The following REDIC1 variants were observed in gnomAD, a reference collection of about 807,000 sequenced individuals.
REDIC1 encodes the protein HEI10 Interacting Protein 1.
At chr12:39,702,946 A>G in the REDIC1 span, among the ~76,000 whole-genome samples, 1 of 152,190 alleles carries the variant, frequency 6.6e-6, no homozygotes, top group Non-Finnish European at 1.5e-5. Flanking sequence ...AAATAATAAG[A>G]GCTATCTATG....
the REDIC1 span, among the ~76,000 whole-genome samples, chr12:39,742,083 A>G: frequency 6.6e-6 from 1 of 152,174 alleles, no homozygotes; most frequent in Non-Finnish European, 1.5e-5. Flanking sequence ...AGGCATGTCC[A>G]ACATCCCTTA....
the REDIC1 span, among the ~76,000 whole-genome samples, chr12:39,742,516 G>A: frequency 6.6e-6 from 1 of 152,004 alleles, no homozygotes; most frequent in Non-Finnish European, 1.5e-5. Flanking sequence ...TCTTGACCAG[G>A]TGTCAAGGTG....
At chr12:39,653,492 GTCTTCT>G in the REDIC1 span, among the ~76,000 whole-genome samples, 2,115 of 54,418 alleles carry the variant, frequency 0.039, 226 homozygotes, top group African/African-American at 0.08. Context: ...CAATCTGGAT[GTCTTCT>G]TCTTCTTCTT....
the REDIC1 span, chr12:39,864,838 A>G: frequency 1.2e-6 from 2 of 1,613,952 alleles, no homozygotes; most frequent in Non-Finnish European, 1.7e-6. Flanking sequence ...ACTTGGGCTG[A>G]TAGCACAAAT....
the REDIC1 span, among the ~76,000 whole-genome samples, chr12:39,797,762 A>G: frequency 1.3e-5 from 2 of 152,086 alleles, no homozygotes; most frequent in South Asian, 2.1e-4. Context: ...ACACACACAC[A>G]CACACACACA....
chr12:39,635,051 A>G, the REDIC1 span, among the ~76,000 whole-genome samples: 7 of 152,242 alleles, frequency 4.6e-5, no homozygotes, highest in Non-Finnish European at 8.8e-5. Flanking sequence ...AATGCTTATC[A>G]TTACTGGTCA....
chr12:39,716,849 C>G, the REDIC1 span: 1 of 1,547,256 alleles, frequency 6.5e-7, no homozygotes, highest in Admixed American at 1.9e-5. Flanking sequence ...GTAAGTGATG[C>G]TTGTTTCACT....
chr12:39,675,472 T>G, the REDIC1 span, among the ~76,000 whole-genome samples: 1 of 152,316 alleles, frequency 6.6e-6, no homozygotes. Context: ...GGTGCTCTCT[T>G]GAAAGTGCCA....
the REDIC1 span, among the ~76,000 whole-genome samples, chr12:39,780,139 T>C: frequency 6.6e-6 from 1 of 152,266 alleles, no homozygotes. Flanking sequence ...ACCATTCGTA[T>C]ATATTACTTC....
the REDIC1 span, among the ~76,000 whole-genome samples, chr12:39,718,468 G>A: frequency 1.1e-4 from 16 of 152,212 alleles, no homozygotes; most frequent in African/African-American, 3.9e-4. Flanking sequence ...TTGTTTTCCA[G>A]GCTTTCTTAT....
At chr12:39,839,757 G>A in the REDIC1 span, among the ~76,000 whole-genome samples, 1 of 151,880 alleles carries the variant, frequency 6.6e-6, no homozygotes, top group Non-Finnish European at 1.5e-5. Flanking sequence ...CCAATACACT[G>A]AGCCCCCATG....
the REDIC1 span, among the ~76,000 whole-genome samples, chr12:39,901,588 A>G: frequency 5.6e-5 from 7 of 125,092 alleles, no homozygotes; most frequent in South Asian, 3.1e-4. Context: ...AACACATGAA[A>G]AAATGCTCAT....
At chr12:39,838,021 G>A in the REDIC1 span, among the ~76,000 whole-genome samples, 4 of 151,096 alleles carry the variant, frequency 2.6e-5, no homozygotes, top group African/African-American at 9.7e-5. Context: ...AAATCATGCT[G>A]CTATAAAGAC....
the REDIC1 span, among the ~76,000 whole-genome samples, chr12:39,795,208 G>C: frequency 0.98 from 147,686 of 151,220 alleles, 72,117 homozygotes; most frequent in East Asian, 1. Context: ...CTCTCTCTCT[G>C]TGTGTGTCAC....
the REDIC1 span, among the ~76,000 whole-genome samples, chr12:39,876,613 T>C: frequency 2.6e-5 from 4 of 152,282 alleles, no homozygotes; most frequent in Non-Finnish European, 5.9e-5. Flanking sequence ...AAGATAATTA[T>C]ATGAAAACCT....
the REDIC1 span, among the ~76,000 whole-genome samples, chr12:39,738,730 T>G: frequency 1.3e-5 from 2 of 152,206 alleles, no homozygotes; most frequent in East Asian, 3.8e-4. Flanking sequence ...TCATTTTAGA[T>G]GAGATCAGAT....
At chr12:39,654,602 C>A in the REDIC1 span, among the ~76,000 whole-genome samples, 10 of 150,552 alleles carry the variant, frequency 6.6e-5, no homozygotes, top group Admixed American at 2.6e-4. Flanking sequence ...AAAAAAAAAA[C>A]TGCTTGGTGT....
At chr12:39,778,615 T>C in the REDIC1 span, among the ~76,000 whole-genome samples, 1 of 152,246 alleles carries the variant, frequency 6.6e-6, no homozygotes, top group Non-Finnish European at 1.5e-5. Flanking sequence ...ATTATTAACG[T>C]ATTATTACAT....
the REDIC1 span, among the ~76,000 whole-genome samples, chr12:39,685,243 G>C: frequency 6.6e-6 from 1 of 152,104 alleles, no homozygotes. Flanking sequence ...CCTAAGACTG[G>C]GTAATTTATA....
Sources: allele counts gnomAD v4.1 joint callset (sites outside exome capture counted in the v4.1 genomes callset), GRCh38; gene constraint gnomAD v4.1.1; transcripts MANE v1.5; gene names NCBI Gene and HGNC (gene_info 2026-07-23, HGNC 2026-07-21).